The following DSCAM variants were observed in gnomAD, a reference collection of about 807,000 sequenced individuals.
DSCAM encodes DS cell adhesion molecule, also known as cell adhesion molecule DSCAM.
Under a neutral mutation model 217.7 loss-of-function variants are expected in DSCAM, and 47 were observed. The observed-to-expected ratio is 0.22, with a 90% CI of 0.17 to 0.28. The LOEUF (loss-of-function observed/expected upper bound fraction) is 0.28, where lower values mean the gene tolerates loss of function less well. Among genes scored for constraint, DSCAM ranks in the 10% least tolerant of loss-of-function variants. The pLI is 1.00. For synonymous variants in DSCAM, 1,056 were observed against 1,015.3 expected (o/e 1.04, Z -0.76); for missense variants, 2,080 against 2,618.3 (o/e 0.79, Z 4.49).
chr21:40,498,725 ATGGG>A (rs1158981933), intron 3 of DSCAM, among the ~76,000 whole-genome samples: 5 of 21,912 alleles, frequency 2.3e-4, no homozygotes, highest in African/African-American at 7.4e-4. Context: ...GTATATATAT[ATGGG>A]TGTGTGTATA....
intron 23 of DSCAM, among the ~76,000 whole-genome samples, chr21:40,084,501 A>AACAC (rs145863686): frequency 0.034 from 4,619 of 137,506 alleles, 94 homozygotes; most frequent in East Asian, 0.045. Flanking sequence ...TCCAAGATGC[A>AACAC]ACACACACAC....
chr21:40,030,269 G>A (rs1427149914), intron 32 of DSCAM, among the ~76,000 whole-genome samples: 1 of 152,104 alleles, frequency 6.6e-6, no homozygotes, highest in Non-Finnish European at 1.5e-5. Context: ...GTCCTGTTTT[G>A]GGAACTGAGG....
chr21:40,261,340 G>A (rs927815033), intron 11 of DSCAM, among the ~76,000 whole-genome samples: 1 of 152,174 alleles, frequency 6.6e-6, no homozygotes, highest in Non-Finnish European at 1.5e-5. Context: ...GTGTTTCTGG[G>A]CAAGATTAAA....
At chr21:40,605,791 CTTTTTTTTTTTTTTTT>C (rs755767800) in intron 3 of DSCAM, among the ~76,000 whole-genome samples, 6 of 62,006 alleles carry the variant, frequency 9.7e-5, no homozygotes, top group African/African-American at 3.2e-4. Flanking sequence ...AATGCACATT[CTTTTTTTTTTTTTTTT>C]TTTTTTTTTT....
At chr21:40,816,471 C>G (rs538053262) in intron 1 of DSCAM, among the ~76,000 whole-genome samples, 2 of 152,184 alleles carry the variant, frequency 1.3e-5, no homozygotes, top group South Asian at 4.2e-4. Flanking sequence ...CCCACCTACT[C>G]GGGAGGCTGA....
intron 32 of DSCAM, among the ~76,000 whole-genome samples, chr21:40,026,522 T>A (rs2088387309): frequency 7.2e-6 from 1 of 138,372 alleles, no homozygotes; most frequent in African/African-American, 2.7e-5. Context: ...TCTTTGTAGG[T>A]CACTCAGGAC....
chr21:40,661,297 C>T (rs750683337), intron 3 of DSCAM, among the ~76,000 whole-genome samples: 5 of 152,074 alleles, frequency 3.3e-5, no homozygotes, highest in South Asian at 2.1e-4. Flanking sequence ...ATCTAACACT[C>T]GTATTCATAA....
At chr21:40,423,121 A>G (rs1411401837) in intron 3 of DSCAM, among the ~76,000 whole-genome samples, 2 of 152,194 alleles carry the variant, frequency 1.3e-5, no homozygotes, top group Admixed American at 1.3e-4. Flanking sequence ...AACAAGGCAT[A>G]AAAGTCCAGA....
chr21:40,256,476 G>C (rs1018273937), intron 11 of DSCAM, among the ~76,000 whole-genome samples: 5 of 151,894 alleles, frequency 3.3e-5, no homozygotes, highest in Non-Finnish European at 5.9e-5. Context: ...AAGAGACAGA[G>C]AGATTTATGA....
At chr21:40,446,965 G>A (rs1171166013) in intron 3 of DSCAM, among the ~76,000 whole-genome samples, 1 of 152,134 alleles carries the variant, frequency 6.6e-6, no homozygotes, top group Non-Finnish European at 1.5e-5. Context: ...AGACCCCAAT[G>A]TCTCCTCTAC....
intron 3 of DSCAM, among the ~76,000 whole-genome samples, chr21:40,661,181 T>C (rs1445737896): frequency 6.6e-6 from 1 of 152,238 alleles, no homozygotes; most frequent in African/African-American, 2.4e-5. Context: ...ATCATTTATA[T>C]GCATTTGAAA....
At chr21:40,406,508 C>CTGAA (rs1339969941) in intron 3 of DSCAM, among the ~76,000 whole-genome samples, 1 of 152,152 alleles carries the variant, frequency 6.6e-6, no homozygotes, top group East Asian at 1.9e-4. Flanking sequence ...ATGGATAAAC[C>CTGAA]TGAAGGACAT....
chr21:40,552,258 G>A (rs974075455), intron 3 of DSCAM, among the ~76,000 whole-genome samples: 3 of 151,968 alleles, frequency 2.0e-5, no homozygotes, highest in African/African-American at 7.3e-5. Context: ...AGGTTGCAGT[G>A]AGCCAAGATC....
At chr21:40,715,822 T>C (rs1388142370) in intron 1 of DSCAM, among the ~76,000 whole-genome samples, 1 of 152,224 alleles carries the variant, frequency 6.6e-6, no homozygotes, top group Non-Finnish European at 1.5e-5. Flanking sequence ...CTACATTATT[T>C]TTCTATCAAC....
chr21:40,727,853 C>T (rs1311747054), intron 1 of DSCAM, among the ~76,000 whole-genome samples: 3 of 152,292 alleles, frequency 2.0e-5, no homozygotes, highest in East Asian at 3.9e-4. Flanking sequence ...TCTCTGATGT[C>T]ATCTCCTACC....
At chr21:40,099,210 GTTC>G (rs1474322953) in intron 20 of DSCAM, among the ~76,000 whole-genome samples, 1 of 152,080 alleles carries the variant, frequency 6.6e-6, no homozygotes, top group Non-Finnish European at 1.5e-5. Context: ...GGTAAAATTC[GTTC>G]TTGATTACCT....
chr21:40,678,874 C>T (rs975258525), intron 3 of DSCAM, among the ~76,000 whole-genome samples: 1 of 152,162 alleles, frequency 6.6e-6, no homozygotes, highest in African/African-American at 2.4e-5. Context: ...CTGAAGGTCT[C>T]GGCATGTCAG....
intron 11 of DSCAM, among the ~76,000 whole-genome samples, chr21:40,220,272 C>A (rs1011431182): frequency 1.4e-4 from 22 of 152,162 alleles, no homozygotes; most frequent in Admixed American, 4.6e-4. Context: ...CATGAACCAA[C>A]CTCGAGTGGC....
At chr21:40,753,405 G>T (rs1201137852) in intron 1 of DSCAM, among the ~76,000 whole-genome samples, 2 of 152,204 alleles carry the variant, frequency 1.3e-5, no homozygotes, top group Non-Finnish European at 2.9e-5. Context: ...AAATCAATTT[G>T]TAATGAAGAA....
Sources: gnomAD v4.1 joint callset for allele counts (sites outside exome capture counted in the v4.1 genomes callset) on GRCh38, gnomAD v4.1.1 for gene constraint, MANE v1.5 for transcripts, NCBI Gene and HGNC (gene_info 2026-07-23, HGNC 2026-07-21) for gene names.